GTSF1: variants seen among roughly 807,000 people sequenced by gnomAD.
The protein encoded by GTSF1 is gametocyte specific factor 1.
GTSF1 carries 11 observed loss-of-function variants against 28.9 expected under a neutral mutation model. That is an observed-to-expected ratio of 0.38 (90% CI 0.24 to 0.63). GTSF1 has a LOEUF of 0.63. GTSF1 is among the 30% of genes least tolerant of loss of function. The pLI is 0.56. For synonymous variants in GTSF1, 69 were observed against 65.6 expected (o/e 1.05, Z -0.25); for missense variants, 146 against 201.0 (o/e 0.73, Z 1.66).
At chr12:54,462,798 T>A in intron 4 of GTSF1, 73 bp from the exon 5 acceptor site, 1 of 1,227,714 alleles carries the variant, frequency 8.1e-7, no homozygotes, top group Non-Finnish European at 1.2e-6. Context: ...GCTAGTAGCT[T>A]AAAAGGTTGC....
chr12:54,460,616 G>T (rs1025536699), intron 6 of GTSF1, 145 bp from the exon 7 acceptor site: 2 of 620,226 alleles, frequency 3.2e-6, no homozygotes, highest in Non-Finnish European at 5.7e-6. Flanking sequence ...CCATCAAAAC[G>T]TTCCGGCAAT....
At chr12:54,467,388 C>T (rs1200122513) in intron 2 of GTSF1, among the ~76,000 whole-genome samples, 5 of 151,356 alleles carry the variant, frequency 3.3e-5, no homozygotes, top group Non-Finnish European at 7.4e-5. Context: ...GATCTTGGCT[C>T]ACTGCAACCT....
chr12:54,463,499 A>G (rs1170421141), intron 3 of GTSF1, among the ~76,000 whole-genome samples: 2 of 152,198 alleles, frequency 1.3e-5, no homozygotes, highest in Non-Finnish European at 2.9e-5. Context: ...AATCATCAAA[A>G]CATAAGTCTT....
At chr12:54,456,414 A>T (rs1432878113) in intron 8 of GTSF1, among the ~76,000 whole-genome samples, 7 of 152,236 alleles carry the variant, frequency 4.6e-5, no homozygotes, top group African/African-American at 1.7e-4. Context: ...AGAGTTTTAC[A>T]AGTGAGGAGA....
intron 6 of GTSF1, among the ~76,000 whole-genome samples, chr12:54,460,780 G>A (rs113534601): frequency 6.6e-6 from 1 of 152,112 alleles, no homozygotes; most frequent in Non-Finnish European, 1.5e-5. Context: ...CTCAATAAAC[G>A]TAAGAGATAA....
chr12:54,464,610 C>T (rs57126604), intron 3 of GTSF1: 16,064 of 152,404 alleles, frequency 0.11, 1,019 homozygotes, highest in African/African-American at 0.17. Context: ...AAGATGTTTA[C>T]TGTTGAAACT....
intron 2 of GTSF1, among the ~76,000 whole-genome samples, chr12:54,466,412 C>T (rs908994234): frequency 2.6e-5 from 4 of 152,116 alleles, no homozygotes; most frequent in Non-Finnish European, 4.4e-5. Flanking sequence ...CAACCATGAT[C>T]GTGATGCAAA....
chr12:54,460,324 C>T (rs571644709), intron 7 of GTSF1, 53 bp downstream of exon 7: 2 of 1,286,430 alleles, frequency 1.6e-6, no homozygotes, highest in Non-Finnish European at 2.3e-6. Flanking sequence ...TCAAGATCAA[C>T]TGTATTTAGC....
intron 1 of GTSF1, among the ~76,000 whole-genome samples, chr12:54,471,546 T>A (rs1313463720): frequency 6.6e-6 from 1 of 152,172 alleles, no homozygotes; most frequent in Non-Finnish European, 1.5e-5. Flanking sequence ...TAGTTCAAAT[T>A]TAAGCTGTAT....
chr12:54,473,321 A>G (rs1284295029), intron 1 of GTSF1, among the ~76,000 whole-genome samples: 1 of 152,136 alleles, frequency 6.6e-6, no homozygotes, highest in African/African-American at 2.4e-5. Flanking sequence ...TAAATAAGAG[A>G]AAGTGGGGGA....
chr12:54,469,263 G>A, intron 2 of GTSF1, among the ~76,000 whole-genome samples: 1 of 152,054 alleles, frequency 6.6e-6, no homozygotes, highest in South Asian at 2.1e-4. Flanking sequence ...ATTTTTAGTA[G>A]AGACGGGGTT....
chr12:54,460,176 T>C (rs1956400844), intron 7 of GTSF1, among the ~76,000 whole-genome samples: 1 of 152,204 alleles, frequency 6.6e-6, no homozygotes, highest in Admixed American at 6.5e-5. Context: ...TCTTATACTT[T>C]CCTGTTCATA....
At chr12:54,463,058 A>G in intron 4 of GTSF1, 113 bp downstream of exon 4, 2 of 1,024,726 alleles carry the variant, frequency 2.0e-6, no homozygotes, top group Non-Finnish European at 2.9e-6. Flanking sequence ...AAGGTGGAAA[A>G]GTATTGTTCT....
At chr12:54,472,869 A>G (rs1956608410) in intron 1 of GTSF1, among the ~76,000 whole-genome samples, 1 of 152,214 alleles carries the variant, frequency 6.6e-6, no homozygotes, top group Admixed American at 6.5e-5. Context: ...GTCTTTTTGT[A>G]TATATTTCAC....
At chr12:54,471,191 A>T in intron 2 of GTSF1, 42 bp downstream of exon 2, 2 of 1,481,616 alleles carry the variant, frequency 1.3e-6, no homozygotes, top group Non-Finnish European at 9.2e-7. Flanking sequence ...ACTATACGTA[A>T]ATGATTTAAC....
chr12:54,470,370 G>A (rs1056843763), intron 2 of GTSF1, among the ~76,000 whole-genome samples: 3 of 152,170 alleles, frequency 2.0e-5, no homozygotes, highest in African/African-American at 7.2e-5. Context: ...TGATTCTGCT[G>A]CATGTTAACA....
chr12:54,467,835 C>T (rs762124616), intron 2 of GTSF1, among the ~76,000 whole-genome samples: 2 of 150,544 alleles, frequency 1.3e-5, no homozygotes, highest in Non-Finnish European at 3.0e-5. Context: ...AGTGCAATGG[C>T]GAATCTCGGC....
At chr12:54,468,804 G>A (rs182126240) in intron 2 of GTSF1, 4 of 152,320 alleles carry the variant, frequency 2.6e-5, no homozygotes, top group Admixed American at 2.6e-4. Flanking sequence ...CTAAGGCAGT[G>A]TTTCTCAAAC....
chr12:54,468,665 T>C (rs936261800), intron 2 of GTSF1, among the ~76,000 whole-genome samples: 16 of 152,100 alleles, frequency 1.1e-4, no homozygotes, highest in Non-Finnish European at 5.9e-5. Flanking sequence ...GAAAACTTCA[T>C]GGAAATAAGG....
Sources: allele counts gnomAD v4.1 joint callset (sites outside exome capture counted in the v4.1 genomes callset), GRCh38; gene constraint gnomAD v4.1.1; transcripts MANE v1.5; gene names NCBI Gene and HGNC (gene_info 2026-07-23, HGNC 2026-07-21).